PRIM2: variants seen among roughly 807,000 people sequenced by gnomAD.
PRIM2 encodes DNA primase large subunit.
In PRIM2, 39 loss-of-function variants were observed where a neutral mutation model predicts 67.3. That is an observed-to-expected ratio of 0.58 (90% CI 0.45 to 0.76). The LOEUF is 0.76. Among genes scored for constraint, PRIM2 ranks in the 30% least tolerant of loss-of-function variants. PRIM2 has a pLI of 0.00. For missense variants in PRIM2, 398 were observed against 598.7 expected, an observed-to-expected ratio of 0.66 and a Z score of 3.50; for synonymous variants, 143 against 198.7, an observed-to-expected ratio of 0.72 and a Z score of 2.36.
chr6:57,583,981 A>C (rs1398417500), intron 10 of PRIM2, among the ~76,000 whole-genome samples: 2 of 152,290 alleles, frequency 1.3e-5, no homozygotes, highest in Non-Finnish European at 2.9e-5. Context: ...ATCTTGTTAA[A>C]CACTAAAGAT....
At chr6:57,620,103 G>A (rs1299633125) in intron 12 of PRIM2, among the ~76,000 whole-genome samples, 1 of 152,120 alleles carries the variant, frequency 6.6e-6, no homozygotes, top group African/African-American at 2.4e-5. Flanking sequence ...GGCTGAGGCA[G>A]GAGAATCGCT....
intron 8 of PRIM2, among the ~76,000 whole-genome samples, chr6:57,523,934 A>G (rs1774684574): frequency 6.6e-6 from 1 of 152,016 alleles, no homozygotes; most frequent in Non-Finnish European, 1.5e-5. Flanking sequence ...TTTCACTACA[A>G]TTCACAGATC....
intron 7 of PRIM2, among the ~76,000 whole-genome samples, chr6:57,463,307 C>G (rs1437920058): frequency 3.9e-5 from 6 of 152,140 alleles, no homozygotes; most frequent in Non-Finnish European, 8.8e-5. Context: ...GTTTGGGCAA[C>G]ATGGTGAGAC....
the PRIM2 span, among the ~76,000 whole-genome samples, chr6:57,293,863 G>A: frequency 1.3e-5 from 2 of 151,338 alleles, no homozygotes; most frequent in Admixed American, 1.3e-4. Flanking sequence ...GGAGGGATAT[G>A]TAAATGACAA....
intron 8 of PRIM2, among the ~76,000 whole-genome samples, chr6:57,523,325 C>G (rs1212923945): frequency 1.3e-5 from 2 of 148,720 alleles, no homozygotes; most frequent in African/African-American, 4.9e-5. Flanking sequence ...TGACTGTATG[C>G]AAACTTTTGC....
intron 7 of PRIM2, among the ~76,000 whole-genome samples, chr6:57,477,847 A>T (rs1773511756): frequency 6.6e-6 from 1 of 152,220 alleles, no homozygotes; most frequent in Admixed American, 6.5e-5. Context: ...CAATATTTTT[A>T]AAAAGTATTA....
intron 7 of PRIM2, among the ~76,000 whole-genome samples, chr6:57,456,554 A>T (rs1218401273): frequency 6.6e-6 from 1 of 152,088 alleles, no homozygotes; most frequent in South Asian, 2.1e-4. Context: ...CATCACTAAT[A>T]CCCTTTCTTC....
At chr6:57,320,752 A>G (rs1043053420) in intron 3 of PRIM2, among the ~76,000 whole-genome samples, 192 bp downstream of exon 3, 2 of 152,174 alleles carry the variant, frequency 1.3e-5, no homozygotes, top group African/African-American at 2.4e-5. Flanking sequence ...GGGTTTCTCA[A>G]CCTCAGGACT....
chr6:57,241,172 C>A, the PRIM2 span, among the ~76,000 whole-genome samples: 1 of 147,360 alleles, frequency 6.8e-6, no homozygotes, highest in Admixed American at 7.0e-5. Context: ...TGCAGTGAGC[C>A]GAGATTGCGC....
intron 7 of PRIM2, among the ~76,000 whole-genome samples, chr6:57,419,822 A>G (rs1771404679): frequency 6.6e-6 from 1 of 152,182 alleles, no homozygotes; most frequent in Non-Finnish European, 1.5e-5. Context: ...ACTCCCACCA[A>G]TATAGAAGAC....
rs1357091030 is a variant in PRIM2 at position 57,561,476 on chromosome 6, G to A, written c.1020+23851G>A. ...TCGAACTCCTGAGCTCAGGCAATCC[G>A]TCCTCCTCGGCCTCCCAAAGTGCTA... is the stretch of plus-strand genomic sequence containing the variant. On this transcript the variant is annotated intron_variant, in intron 10 of 13. Transcript: ENST00000615550. Among the ~76,000 whole-genome samples, 146 of 152,262 alleles carry A rather than the reference G, an allele frequency of 9.6e-4. 2 individuals carry two copies. The highest frequency in any genetic ancestry group is 3.3e-3 in the African/African-American group (139 of 41,566).
At chr6:57,330,384 T>TTTG (rs1768018008) in intron 5 of PRIM2, among the ~76,000 whole-genome samples, 3 of 35,140 alleles carry the variant, frequency 8.5e-5, no homozygotes, top group Admixed American at 6.5e-4. Context: ...TGTTTTTTTG[T>TTTG]TTTTTTTTTT....
In PRIM2 at chr6:57,537,461, C is replaced by T. The variant is rs1364139098; in HGVS notation, c.856C>T (p.Pro286Ser). Reference protein sequence around the residue: ...IDLLSTKSFPPCMRQLHKALR... With the variant: ...IDLLSTKSFPSCMRQLHKALR... Reference sequence around the variant, plus strand: ...GTAGCTTTCTACCAAATCCTTCCCACCTTGCATGCGTCAGTTACATAAAGC... The same window carrying T: ...GTAGCTTTCTACCAAATCCTTCCCATCTTGCATGCGTCAGTTACATAAAGC... The change falls in exon 10 of 14, where the codon CCT (proline) becomes TCT (serine). Residue 286 changes from proline to serine, a missense_variant. By Grantham distance (74) the Pro-to-Ser change is moderately conservative. This residue lies in a region of PRIM2 where 229 missense variants were observed against 383.6 expected (regional missense o/e 0.60). Coordinates refer to ENST00000615550, the MANE Select transcript of PRIM2 (RefSeq NM_000947.5). 2 of 1,440,820 alleles carry T rather than the reference C, an allele frequency of 1.4e-6. No individual in the cohort carries two copies. Among genetic ancestry groups the T allele is most frequent in the Non-Finnish European group, 1.9e-6 (2 of 1,047,546 alleles). 89.3% of individuals were successfully genotyped at this position (1,440,820 alleles called of 1,614,324 possible).
chr6:57,579,339 T>C (rs1193807406), intron 10 of PRIM2, among the ~76,000 whole-genome samples: 2 of 152,198 alleles, frequency 1.3e-5, no homozygotes, highest in Non-Finnish European at 2.9e-5. Flanking sequence ...AGGAACAGTC[T>C]GGCTTGTCAC....
intron 7 of PRIM2, among the ~76,000 whole-genome samples, chr6:57,436,313 A>C (rs1434334524): frequency 1.3e-5 from 2 of 152,198 alleles, no homozygotes; most frequent in Non-Finnish European, 2.9e-5. Context: ...ATATCTTATA[A>C]ATCCTCATAA....
At chr6:57,296,959 G>A in the PRIM2 span, among the ~76,000 whole-genome samples, 1 of 151,714 alleles carries the variant, frequency 6.6e-6, no homozygotes, top group Non-Finnish European at 1.5e-5. Flanking sequence ...AGTAAAATTG[G>A]GCATAATTTA....
At chr6:57,269,783 A>T in the PRIM2 span, among the ~76,000 whole-genome samples, 5 of 152,164 alleles carry the variant, frequency 3.3e-5, no homozygotes, top group Non-Finnish European at 7.3e-5. Context: ...GTAAGTCTTT[A>T]ATCCATCTTG....
chr6:57,424,191 C>G (rs1771550749), intron 7 of PRIM2, among the ~76,000 whole-genome samples: 1 of 151,986 alleles, frequency 6.6e-6, no homozygotes, highest in Non-Finnish European at 1.5e-5. Flanking sequence ...TCTGTTTTTT[C>G]AGTGTTAGCT....
intron 5 of PRIM2, among the ~76,000 whole-genome samples, chr6:57,364,522 C>A (rs1436710871): frequency 6.6e-6 from 1 of 152,170 alleles, no homozygotes; most frequent in Non-Finnish European, 1.5e-5. Context: ...CTTCATTTTC[C>A]TACCTTTTTC....
Sources: allele counts gnomAD v4.1 joint callset (sites outside exome capture counted in the v4.1 genomes callset), GRCh38; gene constraint gnomAD v4.1.1; regional missense constraint gnomAD v4.1.1; transcripts MANE v1.5; gene names NCBI Gene and HGNC (gene_info 2026-07-23, HGNC 2026-07-21).